Variants in SLC13A3 observed in about 807,000 individuals in gnomAD.
SLC13A3 encodes the protein Na(+)/dicarboxylate cotransporter 3.
Under a neutral mutation model 59.0 loss-of-function variants are expected in SLC13A3, and 40 were observed. The observed-to-expected ratio is 0.68, with a 90% CI of 0.53 to 0.88. SLC13A3 has a LOEUF of 0.88. Among genes scored for constraint, SLC13A3 ranks in the 40% least tolerant of loss-of-function variants. The pLI is 0.00. For missense variants in SLC13A3, 699 were observed against 783.2 expected, an observed-to-expected ratio of 0.89 and a Z score of 1.28; for synonymous variants, 317 against 330.3, an observed-to-expected ratio of 0.96 and a Z score of 0.44.
At chr20:46,575,054 T>C (rs1271601418) in intron 10 of SLC13A3, among the ~76,000 whole-genome samples, 1 of 151,870 alleles carries the variant, frequency 6.6e-6, no homozygotes, top group Non-Finnish European at 1.5e-5. Flanking sequence ...GGTGAGAGAA[T>C]TGATTAAGCC....
chr20:46,596,471 G>A, intron 4 of SLC13A3, 129 bp from the exon 5 acceptor site: 1 of 733,616 alleles, frequency 1.4e-6, no homozygotes, highest in Admixed American at 2.4e-5. Context: ...CCCGTAACAA[G>A]GTGCAACTCT....
intron 1 of SLC13A3, among the ~76,000 whole-genome samples, chr20:46,616,219 T>C (rs2062552768): frequency 1.3e-5 from 2 of 152,176 alleles, no homozygotes; most frequent in Non-Finnish European, 1.5e-5. Flanking sequence ...CATAAATACT[T>C]ATAACCCCCA....
At chr20:46,658,999 T>G (rs1375455243) in intron 1 of SLC13A3, among the ~76,000 whole-genome samples, 3 of 152,236 alleles carry the variant, frequency 2.0e-5, no homozygotes, top group African/African-American at 7.2e-5. Flanking sequence ...GCTCAAAGTT[T>G]GTATTGTATA....
chr20:46,563,477 G>A lies in SLC13A3; in HGVS notation c.1569C>T (p.Leu523=). The change falls in exon 12 of 13, where the codon CTC becomes CTT. Residue 523 remains leucine (L), a synonymous_variant. Coordinates refer to ENST00000279027, the MANE Select transcript of SLC13A3 (RefSeq NM_022829.6). ...GTVGCSFAFM[L]PVSTPPNSIA... Reference sequence around the variant, plus strand: ...TGGAGTTGGGGGGCGTTGAGACCGGGAGCATGAAGGCAAAGGAGCAGCCGA... The same window carrying A: ...TGGAGTTGGGGGGCGTTGAGACCGGAAGCATGAAGGCAAAGGAGCAGCCGA... 6.2e-7 allele frequency: 1 copy of A among 1,614,154 alleles called. No homozygotes were observed. Among genetic ancestry groups the A allele is most frequent in the Non-Finnish European group, 8.5e-7 (1 of 1,180,034 alleles).
At position 46,613,696 on chromosome 20, in the gene SLC13A3, G is replaced by A. The variant is rs2062526157; in HGVS notation, c.141C>T (p.Leu47=). The stretch of plus-strand genomic sequence containing the variant: ...CCTCCGTGCACCAGTACACCGCCAT[G>A]AGCAGGATGACAAACAAGCAGCGGC... ...KEGRCLFVIL[L]MAVYWCTEAL... The change falls in exon 2 of 13, where the codon CTC becomes CTT. Residue 47 remains leucine (L), a synonymous_variant. Coordinates refer to ENST00000279027, the MANE Select transcript of SLC13A3 (RefSeq NM_022829.6). 3.7e-6 allele frequency: 6 copies of A among 1,606,618 alleles called. No individual in the cohort carries two copies. Among genetic ancestry groups the A allele is most frequent in the South Asian group, 2.2e-5 (2 of 89,882 alleles).
chr20:46,622,944 A>G (rs1479401130), intron 1 of SLC13A3, among the ~76,000 whole-genome samples: 6 of 152,170 alleles, frequency 3.9e-5, no homozygotes, highest in Non-Finnish European at 7.3e-5. Context: ...TTCAGTGTCT[A>G]TTGAAGAAAC....
upstream of SLC13A3, among the ~76,000 whole-genome samples, chr20:46,655,298 T>C (rs531961449): frequency 1.3e-5 from 2 of 148,256 alleles, no homozygotes; most frequent in South Asian, 2.1e-4. Flanking sequence ...TATATACACA[T>C]ATATACACAC....
chr20:46,659,725 A>C (rs905049568), intron 1 of SLC13A3, among the ~76,000 whole-genome samples: 292 of 142,142 alleles, frequency 2.1e-3, no homozygotes, highest in African/African-American at 6.5e-3. Flanking sequence ...CCCCCCCCCA[A>C]AAAAAAAAAG....
At position 46,582,595 on chromosome 20, in the gene SLC13A3, C is replaced by A. The variant is rs576881931; in HGVS notation, c.1219+977G>T. 1.0e-4 allele frequency: 102 copies of A among 974,418 alleles called. No individual in the cohort carries two copies. The African/African-American group carries it at 1.6e-3, about 16-fold the overall frequency. The allele number at this position is 974,418 out of a possible 1,614,324, so 60.4% of individuals were successfully genotyped here. On this transcript the variant is annotated intron_variant, in intron 9 of 12. Transcript: ENST00000279027. Reference sequence around the variant, plus strand: ...CCCAGCCTGGGTGACAGAGTGAGACCCCATTAAAAAAAAAAGAAGAAGAAG... The same window carrying A: ...CCCAGCCTGGGTGACAGAGTGAGACACCATTAAAAAAAAAAGAAGAAGAAG...
chr20:46,627,512 G>A (rs577502804), intron 1 of SLC13A3, among the ~76,000 whole-genome samples: 4 of 152,252 alleles, frequency 2.6e-5, no homozygotes, highest in South Asian at 2.1e-4. Flanking sequence ...ATGCAGGAAT[G>A]TGGGTCCCGT....
In SLC13A3 at chr20:46,631,070, A is replaced by G. The variant is rs531602769; in HGVS notation, c.112-17345T>C. ...TCAATTTCATAAAGCTGGGCTTCAA[A>G]AATACTGTACTTAAAATATGAGAGT... On this transcript the variant is annotated intron_variant, in intron 1 of 12. Coordinates refer to ENST00000279027, the MANE Select transcript of SLC13A3 (RefSeq NM_022829.6). 2.0e-5 allele frequency among the ~76,000 whole-genome samples: 3 copies of G among 152,350 alleles called. No individual in the cohort carries two copies. The East Asian group carries it at 5.8e-4, about 29-fold the overall frequency.
At chr20:46,651,541 G>C, upstream of SLC13A3, 2 of 1,318,422 alleles carry the variant, frequency 1.5e-6, no homozygotes, top group Non-Finnish European at 1.9e-6. Context: ...CCCTCTCCCT[G>C]CTCCTCCTGG....
At chr20:46,629,477 CA>C (rs1555881482) in intron 1 of SLC13A3, among the ~76,000 whole-genome samples, 1 of 152,158 alleles carries the variant, frequency 6.6e-6, no homozygotes, top group Non-Finnish European at 1.5e-5. Flanking sequence ...TTAAAGATTC[CA>C]ATATTGTTTT....
intron 1 of SLC13A3, among the ~76,000 whole-genome samples, chr20:46,638,064 C>T (rs1481929546): frequency 6.6e-6 from 1 of 152,160 alleles, no homozygotes; most frequent in Admixed American, 6.5e-5. Context: ...CCCTATCAAC[C>T]CCAAAGAAAG....
intron 4 of SLC13A3, 53 bp downstream of exon 4, chr20:46,599,918 T>C: frequency 7.4e-7 from 1 of 1,351,344 alleles, no homozygotes; most frequent in South Asian, 1.5e-5. Flanking sequence ...TTCTTGTTCA[T>C]CATCTCCTTG....
At chr20:46,619,774 C>CA (rs1286562667) in intron 1 of SLC13A3, among the ~76,000 whole-genome samples, 1 of 152,170 alleles carries the variant, frequency 6.6e-6, no homozygotes, top group African/African-American at 2.4e-5. Flanking sequence ...TTGTAAAGGC[C>CA]ATTTTTATCC....
chr20:46,576,655 A>G (rs2062079787), intron 9 of SLC13A3, among the ~76,000 whole-genome samples: 1 of 152,026 alleles, frequency 6.6e-6, no homozygotes, highest in Non-Finnish European at 1.5e-5. Flanking sequence ...ACACACTTAG[A>G]CCCATGCCTG....
Position 46,577,044 on chromosome 20 carries a change from C to G in SLC13A3, c.1220-1359G>C, listed in dbSNP as rs1047569372. Among the ~76,000 whole-genome samples, 16 of 121,284 alleles carry G rather than the reference C, an allele frequency of 1.3e-4. 1 individual carries two copies. The highest frequency in any genetic ancestry group is 4.3e-4 in the African/African-American group (14 of 32,702). The allele number at this position is 121,284 out of a possible 152,430, so 79.6% of individuals were successfully genotyped here. ...GTATGCAGCCCGCAGGTGTATGAAG[C>G]CCACAGGTGTATGCAGTCTACAGAC... On this transcript the variant is annotated intron_variant, in intron 9 of 12. Coordinates refer to ENST00000279027, the MANE Select transcript of SLC13A3 (RefSeq NM_022829.6).
intron 8 of SLC13A3, among the ~76,000 whole-genome samples, chr20:46,586,586 A>G (rs918331239): frequency 2.0e-5 from 3 of 152,174 alleles, no homozygotes; most frequent in African/African-American, 7.2e-5. Context: ...TGAGCTTGAC[A>G]AGTCTAAACC....
Sources: gnomAD v4.1 joint callset for allele counts (sites outside exome capture counted in the v4.1 genomes callset) on GRCh38, gnomAD v4.1.1 for gene constraint, MANE v1.5 for transcripts, NCBI Gene and HGNC (gene_info 2026-07-23, HGNC 2026-07-21) for gene names.